Variants in XIRP2 observed in about 807,000 individuals in gnomAD.
The protein encoded by XIRP2 is xin actin binding repeat containing 2.
Under a neutral mutation model 277.0 loss-of-function variants are expected in XIRP2, and 236 were observed. That is an observed-to-expected ratio of 0.85 (90% confidence interval 0.77 to 0.95). XIRP2 has a LOEUF of 0.95. Ranked by LOEUF, XIRP2 falls within the 40% of genes least tolerant of loss-of-function variation. The pLI is 0.00. For synonymous variants in XIRP2, 1,490 were observed against 1,416.5 expected (o/e 1.05, Z -1.17); for missense variants, 4,640 against 4,157.5 (o/e 1.12, Z -3.19).
chr2:167,036,745 G>C (rs1022768321), intron 2 of XIRP2, among the ~76,000 whole-genome samples: 1 of 152,138 alleles, frequency 6.6e-6, no homozygotes, highest in Non-Finnish European at 1.5e-5. Flanking sequence ...TGGTTTGGCT[G>C]TGTCCCCACC....
chr2:167,212,224 C>T (rs1309710183), intron 4 of XIRP2, among the ~76,000 whole-genome samples: 2 of 152,180 alleles, frequency 1.3e-5, no homozygotes, highest in Admixed American at 6.5e-5. Flanking sequence ...TATAGTACCT[C>T]CTGCCAGTCT....
chr2:166,971,507 C>A (rs1020764978), intron 2 of XIRP2, among the ~76,000 whole-genome samples: 2 of 151,660 alleles, frequency 1.3e-5, no homozygotes, highest in African/African-American at 4.8e-5. Context: ...TTTTGGACTC[C>A]CTACTCAACT....
At chr2:167,235,480 C>T (rs1694876780) in intron 5 of XIRP2, among the ~76,000 whole-genome samples, 1 of 151,810 alleles carries the variant, frequency 6.6e-6, no homozygotes, top group Non-Finnish European at 1.5e-5. Context: ...GTATTTACTC[C>T]TTGACATTTT....
chr2:167,209,051 A>G (rs1376710082), intron 3 of XIRP2, among the ~76,000 whole-genome samples: 2 of 152,180 alleles, frequency 1.3e-5, no homozygotes, highest in Non-Finnish European at 2.9e-5. Flanking sequence ...AGTCTTTTGT[A>G]TGGCTATGAG....
intron 3 of XIRP2, among the ~76,000 whole-genome samples, chr2:167,191,259 A>T (rs767770360): frequency 6.6e-6 from 1 of 152,020 alleles, no homozygotes; most frequent in African/African-American, 2.4e-5. Flanking sequence ...TAACACAAAG[A>T]CCTCAGTAAC....
intron 1 of XIRP2, among the ~76,000 whole-genome samples, chr2:166,900,819 TG>T (rs1684368331): frequency 6.6e-6 from 1 of 152,114 alleles, no homozygotes; most frequent in African/African-American, 2.4e-5. Context: ...TTACCAGCTC[TG>T]TCCTCTGACA....
intron 2 of XIRP2, among the ~76,000 whole-genome samples, chr2:167,101,311 A>T (rs149390289): frequency 3.3e-5 from 5 of 152,298 alleles, no homozygotes; most frequent in Admixed American, 6.5e-5. Flanking sequence ...GAGTTTGAAT[A>T]TGTACATATA....
chr2:167,213,924 T>C (rs1355181660), intron 4 of XIRP2, among the ~76,000 whole-genome samples: 1 of 151,840 alleles, frequency 6.6e-6, no homozygotes, highest in African/African-American at 2.4e-5. Context: ...ATGGTATTAG[T>C]ACTACTATTA....
At chr2:167,065,058 C>T (rs1405304568) in intron 2 of XIRP2, among the ~76,000 whole-genome samples, 1 of 151,864 alleles carries the variant, frequency 6.6e-6, no homozygotes, top group African/African-American at 2.4e-5. Context: ...TCTACATTTA[C>T]AGTTTTGAGG....
At chr2:166,929,404 G>T (rs1685269772) in intron 2 of XIRP2, among the ~76,000 whole-genome samples, 1 of 151,972 alleles carries the variant, frequency 6.6e-6, no homozygotes, top group South Asian at 2.1e-4. Context: ...AAGATTTCAG[G>T]GATTTAAATT....
chr2:167,187,359 C>A, intron 3 of XIRP2: 1 of 985,360 alleles, frequency 1.0e-6, no homozygotes, highest in Non-Finnish European at 1.2e-6. Context: ...TCAGCCGTCC[C>A]ATCTACTTGC....
At chr2:167,184,968 G>A (rs1559011596) in intron 3 of XIRP2, among the ~76,000 whole-genome samples, 3 of 152,108 alleles carry the variant, frequency 2.0e-5, no homozygotes, top group African/African-American at 4.8e-5. Context: ...ATATCTGTCT[G>A]TCTGTCTATC....
chr2:167,245,696 A>C lies in XIRP2; in HGVS notation c.4304A>C (p.Tyr1435Ser). Residue 1435 changes from tyrosine to serine, a missense_variant, in exon 9 of 11, where the codon TAT becomes TCT. Tyr to Ser is a moderately radical substitution (Grantham distance 144). Coordinates refer to ENST00000409195, the MANE Select transcript of XIRP2 (RefSeq NM_152381.6). ...TCTGAAAATTTTGATAAGAATAACT[A>C]TATACGAACAGTAAGTGTCAATGAA... The part of the protein sequence containing the change: ...FESENFDKNN[Y>S]IRTVSVNEIQ... 25 of 1,613,658 alleles carry C rather than the reference A, an allele frequency of 1.5e-5. No homozygotes were observed. Among genetic ancestry groups the C allele is most frequent in the Non-Finnish European group, 2.1e-5 (25 of 1,179,726 alleles).
Position 167,251,013 on chromosome 2 carries a change from T to A in XIRP2, c.9621T>A (p.Ile3207=), listed in dbSNP as rs1366500245. The change falls in exon 9 of 11, where the codon ATT becomes ATA. Residue 3207 remains isoleucine, a synonymous_variant. Transcript: ENST00000409195. ...IPCPAATPVP[I]VEKRSEIIMS... The stretch of plus-strand genomic sequence containing the variant: ...GTCCAGCAGCAACCCCGGTTCCAAT[T>A]GTAGAGAAGAGGTCTGAAATCATCA... 3 of 1,613,626 alleles carry A rather than the reference T, an allele frequency of 1.9e-6. No individual in the cohort carries two copies. Among genetic ancestry groups the A allele is most frequent in the Non-Finnish European group, 2.5e-6 (3 of 1,179,726 alleles).
Position 166,964,152 on chromosome 2 carries a change from C to T in XIRP2, c.408+60262C>T, listed in dbSNP as rs534208566. On this transcript the variant is annotated intron_variant, in intron 2 of 10. Coordinates refer to ENST00000409195, the MANE Select transcript of XIRP2 (RefSeq NM_152381.6). ...ACATTGTAATTTGATTCTATAGATA[C>T]ATTGATTATGAGTATATGGATAAAA... 3.3e-5 allele frequency among the ~76,000 whole-genome samples: 5 copies of T among 151,906 alleles called. No homozygotes were observed. In the East Asian group the frequency reaches 9.7e-4, roughly 30 times the overall value.
intron 2 of XIRP2, among the ~76,000 whole-genome samples, chr2:167,015,877 T>G (rs1369355514): frequency 6.6e-6 from 1 of 151,646 alleles, no homozygotes; most frequent in East Asian, 1.9e-4. Flanking sequence ...CTAGATCACT[T>G]ATAATATTAT....
intron 3 of XIRP2, among the ~76,000 whole-genome samples, chr2:167,196,878 G>T (rs1300219471): frequency 2.0e-5 from 3 of 152,120 alleles, no homozygotes; most frequent in African/African-American, 7.2e-5. Flanking sequence ...GTGTTTTCAT[G>T]CCTGTCTGTA....
At chr2:167,068,060 T>G (rs966223141) in intron 2 of XIRP2, among the ~76,000 whole-genome samples, 3 of 152,228 alleles carry the variant, frequency 2.0e-5, no homozygotes, top group African/African-American at 7.2e-5. Context: ...TTTTTAGTTC[T>G]GCTCTGTATG....
chr2:166,942,915 A>G (rs1685758111), intron 2 of XIRP2, among the ~76,000 whole-genome samples: 1 of 152,208 alleles, frequency 6.6e-6, no homozygotes, highest in Non-Finnish European at 1.5e-5. Context: ...AATTTCTCAA[A>G]CAGCATCTCT....
Sources: gnomAD v4.1 joint callset for allele counts (sites outside exome capture counted in the v4.1 genomes callset) on GRCh38, gnomAD v4.1.1 for gene constraint, MANE v1.5 for transcripts, NCBI Gene and HGNC (gene_info 2026-07-23, HGNC 2026-07-21) for gene names.